The following TCHHL1 variants were observed in gnomAD, a reference collection of about 807,000 sequenced individuals.
The protein encoded by TCHHL1 is trichohyalin-like protein 1.
A neutral mutation model predicts 3.5 loss-of-function variants in TCHHL1; 1 was observed. The ratio of observed to expected loss-of-function variants is 0.29; its 90% CI spans 0.10 to 1.36. TCHHL1 has a LOEUF of 1.36. TCHHL1 is among the 40% of genes most tolerant of loss of function. The pLI is 0.43. For synonymous variants in TCHHL1, 405 were observed against 375.3 expected, an observed-to-expected ratio of 1.08 and a Z score of -0.92; for missense variants, 1,027 against 1,032.8, an observed-to-expected ratio of 0.99 and a Z score of 0.08.
At position 152,087,205 on chromosome 1, in the gene TCHHL1, T is replaced by A; in HGVS notation, c.477A>T (p.Pro159=). The A allele has an allele frequency of 6.2e-7, 1 of 1,614,160 alleles. No individual in the cohort carries two copies. The highest frequency in any genetic ancestry group is 8.5e-7 in the Non-Finnish European group (1 of 1,179,982). Residue 159 remains proline (P), a synonymous_variant, in exon 3 of 3, where the codon CCA becomes CCT. Transcript: ENST00000368806. ...AGTTGTGAGTCTTGGCTTCTCTCCA[T>A]GGGTCCACTCTGTTATTTCCAACTG... ...SGAVGNNRVD[P]WREAKTHNFP...
chr1:152,085,312 A>G lies in TCHHL1; in HGVS notation c.2370T>C (p.Ser790=). Residue 790 remains serine, a synonymous_variant, in exon 3 of 3, where the codon TCT becomes TCC. Coordinates refer to ENST00000368806, the MANE Select transcript of TCHHL1 (RefSeq NM_001008536.2). ...KQMQRDQEPC[S]VERGAVYSSP... is the part of the protein sequence containing the mutation. Reference sequence around the variant, plus strand: ...TGGAATAGACTGCACCCCTCTCCACAGAACAGGGCTCTTGGTCTCTCTGCA... The same window carrying G: ...TGGAATAGACTGCACCCCTCTCCACGGAACAGGGCTCTTGGTCTCTCTGCA... 6 of 1,614,214 alleles carry G rather than the reference A, an allele frequency of 3.7e-6. No homozygotes were observed. Among genetic ancestry groups the G allele is most frequent in the Admixed American group, 1.7e-5 (1 of 60,028 alleles).
At chr1:152,088,709 C>T (rs183702493) in intron 1 of TCHHL1, among the ~76,000 whole-genome samples, 40 of 152,232 alleles carry the variant, frequency 2.6e-4, no homozygotes, top group Middle Eastern at 3.4e-3. Context: ...ATGTCCCGAC[C>T]CCTTATTCAT....
rs1437301325 is a variant in TCHHL1 at position 152,084,417 on chromosome 1, A to G, written c.*550T>C. 3 of 163,732 alleles carry G rather than the reference A, an allele frequency of 1.8e-5. No homozygotes were observed. The highest frequency in any genetic ancestry group is 3.8e-4 in the East Asian group (2 of 5,204). 10.1% of individuals were successfully genotyped at this position (163,732 alleles called of 1,614,324 possible). On this transcript the variant is annotated 3_prime_UTR_variant, in exon 3 of 3. Coordinates refer to ENST00000368806, the MANE Select transcript of TCHHL1 (RefSeq NM_001008536.2). ...GCGATAGATTCAGCTGCACCTGAAC[A>G]TGAGCAGAGTCATAAATTTACTTTA... is the stretch of plus-strand genomic sequence containing the variant.
At position 152,087,519 on chromosome 1, in the gene TCHHL1, T is replaced by G. The variant is rs773764586; in HGVS notation, c.163A>C (p.Lys55Gln). Residue 55 changes from lysine to glutamine, a missense_variant, in exon 3 of 3, where the codon AAA becomes CAA. Coordinates refer to ENST00000368806, the MANE Select transcript of TCHHL1 (RefSeq NM_001008536.2). Reference sequence around the variant, plus strand: ...TCAATATTCAGAAGATTTGAATTTTTTTCCACAGCATGAAGGACACAGGGC... The same window carrying G: ...TCAATATTCAGAAGATTTGAATTTTGTTCCACAGCATGAAGGACACAGGGC... ...FQPCVLHAVE[K>Q]NSNLLNIDSN... 11 of 1,597,702 alleles carry G rather than the reference T, an allele frequency of 6.9e-6. No individual in the cohort carries two copies. In the African/African-American group the frequency reaches 1.2e-4, roughly 17 times the overall value.
In TCHHL1 at chr1:152,087,999, A is replaced by C; in HGVS notation, c.138+7T>G. On this transcript the variant is annotated splice_region_variant and intron_variant, in intron 2 of 2. Transcript: ENST00000368806. Reference sequence around the variant, plus strand: ...AAAGAATTTACACAGCTCTGTGAGAAGCTCACCTGAAAAAAGTCCCCAAAC... The same window carrying C: ...AAAGAATTTACACAGCTCTGTGAGACGCTCACCTGAAAAAAGTCCCCAAAC... 6.3e-7 allele frequency: 1 copy of C among 1,586,198 alleles called. No homozygotes were observed. The highest frequency in any genetic ancestry group is 8.5e-7 in the Non-Finnish European group (1 of 1,169,760).
Position 152,086,410 on chromosome 1 carries a change from C to T in TCHHL1, c.1272G>A (p.Gly424=). ...ATAATCCTTGGAGTTCCTGATACTTCCCATCCTGTGTTTGGGTTTCCAGGA... is the reference window on the plus strand; with the variant it reads ...ATAATCCTTGGAGTTCCTGATACTTTCCATCCTGTGTTTGGGTTTCCAGGA... ...PLVLETQTQD[G]KYQELQGLSK... is the part of the protein sequence containing the mutation. The change falls in exon 3 of 3, where the codon GGG becomes GGA. Residue 424 remains glycine, a synonymous_variant. Coordinates refer to ENST00000368806, the MANE Select transcript of TCHHL1 (RefSeq NM_001008536.2). 1 of 1,614,122 alleles carries T rather than the reference C, an allele frequency of 6.2e-7. No homozygotes were observed. The highest frequency in any genetic ancestry group is 8.5e-7 in the Non-Finnish European group (1 of 1,180,002).
rs1276849927 is a variant in TCHHL1, at chr1:152,086,310, C to T, written c.1372G>A (p.Glu458Lys). 6.2e-7 allele frequency: 1 copy of T among 1,614,200 alleles called. No individual in the cohort carries two copies. Among genetic ancestry groups the T allele is most frequent in the South Asian group, 1.1e-5 (1 of 91,082 alleles). ...CCTGAGACTGCTGTTCCTTCAAGTT[C>T]AGGGTGAGTCTGATCTCCTCCTTCT... is the stretch of plus-strand genomic sequence containing the variant. ...SSEGGDQTHP[E>K]LEGTAVSGEE... is the part of the protein sequence containing the mutation. Residue 458 changes from glutamate to lysine, a missense_variant, in exon 3 of 3, where the codon GAA becomes AAA. This residue lies in a region of TCHHL1 where 673 missense variants were observed against 658.6 expected (regional missense o/e 1.02). Coordinates refer to ENST00000368806, the MANE Select transcript of TCHHL1 (RefSeq NM_001008536.2).
In TCHHL1 at chr1:152,085,689, T is replaced by C. The variant is rs1657707198; in HGVS notation, c.1993A>G (p.Arg665Gly). The change falls in exon 3 of 3, where the codon AGA becomes GGA. Residue 665 changes from arginine (R) to glycine (G), a missense_variant. Physicochemically the swap from Arg to Gly is moderately radical, Grantham distance 125. This residue lies in a region of TCHHL1 where 673 missense variants were observed against 658.6 expected (regional missense o/e 1.02). Transcript: ENST00000368806. ...GTGATCTCTATTTCCAGGGACTTTC[T>C]ATTTTCATCTCCTGCTGTGGATTCC... is the stretch of plus-strand genomic sequence containing the variant. Reference protein sequence around the residue: ...AQESTAGDENRKSLEIEITGA... With the variant: ...AQESTAGDENGKSLEIEITGA... 5 of 1,614,214 alleles carry C rather than the reference T, an allele frequency of 3.1e-6. No homozygotes were observed. Among genetic ancestry groups the C allele is most frequent in the East Asian group, 4.5e-5 (2 of 44,884 alleles).
Position 152,087,440 on chromosome 1 carries a change from A to G in TCHHL1, c.242T>C (p.Leu81Ser), listed in dbSNP as rs995034392. 5 of 1,609,358 alleles carry G rather than the reference A, an allele frequency of 3.1e-6. No homozygotes were observed. The African/African-American group carries it at 6.7e-5, about 21-fold the overall frequency. ...DEFVLAIFNL[L>S]NLCYLDIKSL... is the part of the protein sequence containing the mutation. The stretch of plus-strand genomic sequence containing the variant: ...TTTTATGTCAAGATAACAGAGGTTC[A>G]ACAAGTTGAAGATTGCAAGAACAAA... The change falls in exon 3 of 3, where the codon TTG (leucine) becomes TCG (serine). Residue 81 changes from leucine to serine, a missense_variant. This residue lies in a region of TCHHL1 where 338 missense variants were observed against 335.9 expected (regional missense o/e 1.01). Transcript: ENST00000368806.
intron 2 of TCHHL1, 57 bp downstream of exon 2, chr1:152,087,949 G>T: frequency 3.3e-6 from 5 of 1,517,604 alleles, no homozygotes; most frequent in Non-Finnish European, 4.4e-6. Context: ...CATCTTGCTT[G>T]GATTATAAAG....
In TCHHL1 at chr1:152,087,568, C is replaced by T. The variant is rs764447956; in HGVS notation, c.139-25G>A. 1.3e-5 allele frequency: 21 copies of T among 1,564,196 alleles called. No individual in the cohort carries two copies. In the East Asian group the frequency reaches 4.5e-4, roughly 33 times the overall value. ...GCTGCATGAAAACACAGTGAGAAAT[C>T]AGCTTATTTATATGTGGTCCAGTGT... On this transcript the variant is annotated intron_variant, in intron 2 of 2. Coordinates refer to ENST00000368806, the MANE Select transcript of TCHHL1 (RefSeq NM_001008536.2).
Position 152,088,158 on chromosome 1 carries a change from G to C in TCHHL1, c.-15C>G, listed in dbSNP as rs770332142. ...AGCTGAGGCATCTTTACAAACTCAG[G>C]AGAGGCTGTGAGAAAGAATAAACAA... On this transcript the variant is annotated 5_prime_UTR_variant, in exon 2 of 3. Coordinates refer to ENST00000368806, the MANE Select transcript of TCHHL1 (RefSeq NM_001008536.2). 1 of 1,538,334 alleles carries C rather than the reference G, an allele frequency of 6.5e-7. No individual in the cohort carries two copies. The highest frequency in any genetic ancestry group is 8.7e-7 in the Non-Finnish European group (1 of 1,143,930).
At position 152,086,339 on chromosome 1, in the gene TCHHL1, C is replaced by A; in HGVS notation, c.1343G>T (p.Ser448Ile). 1 of 1,614,170 alleles carries A rather than the reference C, an allele frequency of 6.2e-7. No homozygotes were observed. Among genetic ancestry groups the A allele is most frequent in the Non-Finnish European group, 8.5e-7 (1 of 1,180,032 alleles). The change falls in exon 3 of 3, where the codon AGC (serine) becomes ATC (isoleucine). Residue 448 changes from serine (S) to isoleucine (I), a missense_variant. Coordinates refer to ENST00000368806, the MANE Select transcript of TCHHL1 (RefSeq NM_001008536.2). ...AEKGSETQYL[S>I]SEGGDQTHPE... The stretch of plus-strand genomic sequence containing the variant: ...GTGAGTCTGATCTCCTCCTTCTGAG[C>A]TTAGATATTGTGTCTCAGAACCTTT...
At position 152,086,962 on chromosome 1, in the gene TCHHL1, T is replaced by C; in HGVS notation, c.720A>G (p.Arg240=). 6.2e-7 allele frequency: 1 copy of C among 1,614,210 alleles called. No homozygotes were observed. The highest frequency in any genetic ancestry group is 8.5e-7 in the Non-Finnish European group (1 of 1,180,046). Residue 240 remains arginine (R), a synonymous_variant, in exon 3 of 3, where the codon AGA becomes AGG. Coordinates refer to ENST00000368806, the MANE Select transcript of TCHHL1 (RefSeq NM_001008536.2). ...CTCTTATCTTGGAAACACTTTGCTC[T>C]CTGGCTGGTTCATCTCCTTCCTGGG... is the stretch of plus-strand genomic sequence containing the variant. ...EISQEGDEPA[R]EQSVSKIRDQ... is the part of the protein sequence containing the mutation.
At position 152,084,394 on chromosome 1, in the gene TCHHL1, G is replaced by T. The variant is rs528559529; in HGVS notation, c.*573C>A. 1 of 164,834 alleles carries T rather than the reference G, an allele frequency of 6.1e-6. No homozygotes were observed. The highest frequency in any genetic ancestry group is 1.5e-5 in the Non-Finnish European group (1 of 68,128). 10.2% of individuals were successfully genotyped at this position (164,834 alleles called of 1,614,324 possible). A position where few individuals can be genotyped will look rare whatever the true frequency, so the allele number is the denominator to read the frequency against. On this transcript the variant is annotated 3_prime_UTR_variant, in exon 3 of 3. Transcript: ENST00000368806. Reference sequence around the variant, plus strand: ...GTAATTGAAAGAATGAATCCATGGCGATAGATTCAGCTGCACCTGAACATG... The same window carrying T: ...GTAATTGAAAGAATGAATCCATGGCTATAGATTCAGCTGCACCTGAACATG...
chr1:152,085,639 A>T lies in TCHHL1; in HGVS notation c.2043T>A (p.Thr681=). 1 of 1,614,192 alleles carries T rather than the reference A, an allele frequency of 6.2e-7. No homozygotes were observed. Among genetic ancestry groups the T allele is most frequent in the African/African-American group, 1.3e-5 (1 of 75,060 alleles). ...GGAGCTGCATTAGGGAAAGCTGGTC[A>T]GTGAAGTCTTCATCCAGGGCACCTG... ...EITGALDEDF[T]DQLSLMQLPG... The change falls in exon 3 of 3, where the codon ACT becomes ACA. Residue 681 remains threonine (T), a synonymous_variant. Coordinates refer to ENST00000368806, the MANE Select transcript of TCHHL1 (RefSeq NM_001008536.2).
Position 152,085,467 on chromosome 1 carries a change from T to A in TCHHL1, c.2215A>T (p.Lys739Ter). 6.2e-7 allele frequency: 1 copy of A among 1,614,218 alleles called. No homozygotes were observed. The highest frequency in any genetic ancestry group is 8.5e-7 in the Non-Finnish European group (1 of 1,180,016). Reference sequence around the variant, plus strand: ...TCCTCCTCTGATGTTACAGGTTCCTTTGTTTCAAGTTGTATCTTGAGGGAG... The same window carrying A: ...TCCTCCTCTGATGTTACAGGTTCCTATGTTTCAAGTTGTATCTTGAGGGAG... ...SASLKIQLETKEPVTSEEEDE... is the reference protein window; with the variant it reads ...SASLKIQLET Residue 739 changes from lysine (K) to a stop codon, truncating the protein, a stop_gained, in exon 3 of 3, where the codon AAG becomes TAG. Transcript: ENST00000368806. LOFTEE classifies it low-confidence loss of function (END_TRUNC).
Position 152,086,379 on chromosome 1 carries a change from A to G in TCHHL1, c.1303T>C (p.Ser435Pro). ...TCAGAACCTTTTTCAGCATCTTTTG[A>G]TTTTGATAATCCTTGGAGTTCCTGA... ...KYQELQGLSKSKDAEKGSETQ... is the reference protein window; with the variant it reads ...KYQELQGLSKPKDAEKGSETQ... Residue 435 changes from serine to proline, a missense_variant, in exon 3 of 3, where the codon TCA becomes CCA. Transcript: ENST00000368806. 6.2e-7 allele frequency: 1 copy of G among 1,613,800 alleles called. No individual in the cohort carries two copies. Among genetic ancestry groups the G allele is most frequent in the Non-Finnish European group, 8.5e-7 (1 of 1,179,964 alleles).
At chr1:152,088,184 A>G in intron 1 of TCHHL1, 21 bp from the exon 2 acceptor site, 1 of 1,512,136 alleles carries the variant, frequency 6.6e-7, no homozygotes, top group Non-Finnish European at 8.8e-7. Context: ...GAATAAACAA[A>G]GCTCATTTTC....
Sources: gnomAD v4.1 joint callset for allele counts (sites outside exome capture counted in the v4.1 genomes callset) on GRCh38, gnomAD v4.1.1 for gene constraint, gnomAD v4.1.1 regional missense constraint, MANE v1.5 for transcripts, NCBI Gene and HGNC (gene_info 2026-07-23, HGNC 2026-07-21) for gene names.